The following RPS6KC1 variants were observed in gnomAD, a reference collection of about 807,000 sequenced individuals.
RPS6KC1 encodes the protein ribosomal protein S6 kinase C1, also known as inactive ribosomal protein S6 kinase delta-1.
A neutral mutation model predicts 103.8 loss-of-function variants in RPS6KC1; 54 were observed. The ratio of observed to expected loss-of-function variants is 0.52; its 90% CI spans 0.42 to 0.65. The LOEUF (loss-of-function observed/expected upper bound fraction) is 0.65. Among genes scored for constraint, RPS6KC1 ranks in the 30% least tolerant of loss-of-function variants. RPS6KC1 has a pLI of 0.00. For missense variants in RPS6KC1, 1,151 were observed against 1,253.8 expected (o/e 0.92, Z 1.24); for synonymous variants, 439 against 438.7 (o/e 1.00, Z -0.01).
the RPS6KC1 span, among the ~76,000 whole-genome samples, chr1:213,833,397 T>C: frequency 2.6e-5 from 4 of 152,272 alleles, no homozygotes; most frequent in East Asian, 7.7e-4. Context: ...GCAAAAATCA[T>C]TTCTATCATT....
At chr1:213,370,248 A>ATTTTAT in the RPS6KC1 span, among the ~76,000 whole-genome samples, 17 of 142,084 alleles carry the variant, frequency 1.2e-4, no homozygotes, top group African/African-American at 4.1e-4. Context: ...ATTTTATTTT[A>ATTTTAT]TTTATTTTAT....
chr1:213,229,153 T>G (rs1306980537), intron 8 of RPS6KC1, among the ~76,000 whole-genome samples: 2 of 152,166 alleles, frequency 1.3e-5, no homozygotes, highest in East Asian at 1.9e-4. Flanking sequence ...GTATTGAAAT[T>G]AATGGAAATT....
intron 2 of RPS6KC1, among the ~76,000 whole-genome samples, chr1:213,076,394 G>C (rs184671276): frequency 3.9e-5 from 6 of 152,174 alleles, no homozygotes; most frequent in Admixed American, 3.9e-4. Context: ...ATCACACCTG[G>C]TTACCTGCTT....
chr1:213,207,476 T>A (rs2093381844), intron 8 of RPS6KC1, among the ~76,000 whole-genome samples: 2 of 152,148 alleles, frequency 1.3e-5, no homozygotes, highest in African/African-American at 4.8e-5. Flanking sequence ...AAAATAGCTT[T>A]TGTTCAGCTT....
At chr1:213,177,847 A>G (rs1364602511) in intron 8 of RPS6KC1, among the ~76,000 whole-genome samples, 6 of 152,218 alleles carry the variant, frequency 3.9e-5, no homozygotes, top group East Asian at 3.9e-4. Context: ...TTGCTATGCT[A>G]TAAGTGTGAG....
the RPS6KC1 span, among the ~76,000 whole-genome samples, chr1:213,782,657 G>A: frequency 1.3e-5 from 2 of 151,962 alleles, no homozygotes; most frequent in Non-Finnish European, 2.9e-5. Context: ...AGAGAGGGAG[G>A]AGCAGGAGGA....
rs1012671975 is a variant in RPS6KC1, at chr1:213,074,273, A to G, written c.141+3232A>G. On this transcript the variant is annotated intron_variant, in intron 2 of 14. Coordinates refer to ENST00000366960, the MANE Select transcript of RPS6KC1 (RefSeq NM_012424.6). ...TTTTTAAAATTAAGCTTTTATTTGT[A>G]TGTTTTATATGGTTGTCACTGAATT... Among the ~76,000 whole-genome samples, 5 of 152,308 alleles carry G rather than the reference A, an allele frequency of 3.3e-5. No homozygotes were observed. The East Asian group carries it at 9.6e-4, about 29-fold the overall frequency.
the RPS6KC1 span, among the ~76,000 whole-genome samples, chr1:213,534,025 C>T: frequency 6.6e-6 from 1 of 152,174 alleles, no homozygotes; most frequent in Non-Finnish European, 1.5e-5. Context: ...TGTTCTTTGG[C>T]AACCACAGAA....
the RPS6KC1 span, among the ~76,000 whole-genome samples, chr1:213,631,690 C>T: frequency 6.6e-6 from 1 of 151,942 alleles, no homozygotes. Flanking sequence ...ATTGATTTTC[C>T]CCAAAATCTT....
the RPS6KC1 span, among the ~76,000 whole-genome samples, chr1:213,797,966 A>G: frequency 1.3e-5 from 2 of 152,230 alleles, no homozygotes; most frequent in African/African-American, 4.8e-5. Flanking sequence ...TCAAGAGAGG[A>G]GGCCTCTGCC....
chr1:213,756,962 C>T, the RPS6KC1 span, among the ~76,000 whole-genome samples: 3 of 152,086 alleles, frequency 2.0e-5, no homozygotes, highest in Non-Finnish European at 4.4e-5. Flanking sequence ...AATCAGTGAT[C>T]TTTGATATTA....
the RPS6KC1 span, among the ~76,000 whole-genome samples, chr1:213,480,217 T>C: frequency 6.6e-6 from 1 of 152,040 alleles, no homozygotes; most frequent in East Asian, 1.9e-4. Flanking sequence ...TGATATTTAG[T>C]TTTCCTCTCC....
the RPS6KC1 span, among the ~76,000 whole-genome samples, chr1:213,814,266 C>A: frequency 6.6e-6 from 1 of 152,184 alleles, no homozygotes; most frequent in Admixed American, 6.5e-5. Context: ...TTTCTTGGAG[C>A]AGGACAACCT....
chr1:213,304,558 T>C, the RPS6KC1 span, among the ~76,000 whole-genome samples: 7 of 151,512 alleles, frequency 4.6e-5, no homozygotes, highest in Admixed American at 2.6e-4. Context: ...TTTTTTGAGA[T>C]GGAGTTTTGC....
At chr1:213,544,090 G>C in the RPS6KC1 span, among the ~76,000 whole-genome samples, 1 of 152,144 alleles carries the variant, frequency 6.6e-6, no homozygotes, top group Admixed American at 6.5e-5. Flanking sequence ...ATAAGCAGAG[G>C]AGGAGGGGAA....
chr1:213,715,387 T>C, the RPS6KC1 span, among the ~76,000 whole-genome samples: 1 of 152,184 alleles, frequency 6.6e-6, no homozygotes, highest in Non-Finnish European at 1.5e-5. Flanking sequence ...TCTGGAGCAA[T>C]GCTGAGTCAT....
At chr1:213,521,135 T>C in the RPS6KC1 span, among the ~76,000 whole-genome samples, 1 of 152,342 alleles carries the variant, frequency 6.6e-6, no homozygotes, top group South Asian at 2.1e-4. Flanking sequence ...AAGTCTACCT[T>C]ATTATCCTTT....
At chr1:213,559,208 G>T in the RPS6KC1 span, among the ~76,000 whole-genome samples, 8 of 152,278 alleles carry the variant, frequency 5.3e-5, no homozygotes, top group African/African-American at 1.9e-4. Context: ...ACTTGCTCAA[G>T]GTCTCCCACT....
intron 6 of RPS6KC1, among the ~76,000 whole-genome samples, chr1:213,151,718 G>T (rs1394564494): frequency 7.9e-6 from 1 of 126,270 alleles, no homozygotes; most frequent in Non-Finnish European, 1.7e-5. Context: ...CGGCTGGCCG[G>T]GCGGGGGGCT....
Sources: allele counts gnomAD v4.1 joint callset (sites outside exome capture counted in the v4.1 genomes callset), GRCh38; gene constraint gnomAD v4.1.1; transcripts MANE v1.5; gene names NCBI Gene and HGNC (gene_info 2026-07-23, HGNC 2026-07-21).